Variants in CCT2 observed in about 807,000 individuals in gnomAD.
CCT2 encodes the protein T-complex protein 1 subunit beta.
CCT2 carries 18 observed loss-of-function variants against 61.8 expected under a neutral mutation model. The observed-to-expected ratio is 0.29, with a 90% CI of 0.20 to 0.43. The LOEUF is 0.43. CCT2 is among the 20% of genes least tolerant of loss of function. The probability of loss-of-function intolerance (pLI) is 1.00; values close to 1 mark genes in which losing one functional copy is unlikely to be tolerated. For missense variants in CCT2, 556 were observed against 656.9 expected, an observed-to-expected ratio of 0.85 and a Z score of 1.68; for synonymous variants, 248 against 215.9, an observed-to-expected ratio of 1.15 and a Z score of -1.30.
At chr12:69,585,888 C>T in intron 1 of CCT2, 2 of 1,275,772 alleles carry the variant, frequency 1.6e-6, no homozygotes, top group African/African-American at 1.5e-5. Flanking sequence ...GTGGAGGGGC[C>T]GCAGCCTTCC....
intron 3 of CCT2, 21 bp from the exon 4 acceptor site, chr12:69,587,484 A>C (rs1409147163): frequency 7.1e-7 from 1 of 1,410,404 alleles, no homozygotes; most frequent in Non-Finnish European, 1.0e-6. Flanking sequence ...TCTTAACTTG[A>C]ACCAATTATG....
At chr12:69,595,549 G>A (rs1412645807) in intron 10 of CCT2, among the ~76,000 whole-genome samples, 2 of 152,000 alleles carry the variant, frequency 1.3e-5, no homozygotes, top group African/African-American at 2.4e-5. Context: ...TTAGCCAGGC[G>A]TGGTGGTGGG....
chr12:69,595,641 T>C (rs1881964522), intron 10 of CCT2, among the ~76,000 whole-genome samples: 1 of 147,022 alleles, frequency 6.8e-6, no homozygotes, highest in Admixed American at 7.0e-5. Flanking sequence ...TGAGCTGAGA[T>C]TGGCGCCACT....
intron 1 of CCT2, chr12:69,585,886 G>A: frequency 7.8e-7 from 1 of 1,283,826 alleles, no homozygotes; most frequent in African/African-American, 1.5e-5. Flanking sequence ...GGGTGGAGGG[G>A]CCGCAGCCTT....
In CCT2 at chr12:69,585,459, A is replaced by G. The variant is rs1346714903; in HGVS notation, c.-63A>G. On this transcript the variant is annotated 5_prime_UTR_variant, in exon 1 of 16. Coordinates refer to ENST00000299300, the MANE Select transcript of CCT2 (RefSeq NM_006431.3). ...TGTGGCGTCACTTCCGGCTTCCTTCAGTCCGCTGGTCCCGAGCACGAGCTG... is the reference window on the plus strand; with the variant it reads ...TGTGGCGTCACTTCCGGCTTCCTTCGGTCCGCTGGTCCCGAGCACGAGCTG... 4 of 1,547,446 alleles carry G rather than the reference A, an allele frequency of 2.6e-6. No homozygotes were observed. Among genetic ancestry groups the G allele is most frequent in the Non-Finnish European group, 2.6e-6 (3 of 1,142,556 alleles).
At chr12:69,599,576 G>A (rs1182827185) in intron 14 of CCT2, 1 of 174,374 alleles carries the variant, frequency 5.7e-6, no homozygotes, top group African/African-American at 2.4e-5. Flanking sequence ...TTTAGTAGAC[G>A]GGGTTTCACC....
chr12:69,599,710 T>G (rs557754118), intron 14 of CCT2, 153 bp from the exon 15 acceptor site: 51 of 536,410 alleles, frequency 9.5e-5, no homozygotes, highest in East Asian at 3.9e-4. Context: ...TTAAAGGCTT[T>G]CTTTGAGCTC....
At chr12:69,588,697 A>G (rs891074656) in intron 6 of CCT2, among the ~76,000 whole-genome samples, 15 of 152,210 alleles carry the variant, frequency 9.9e-5, no homozygotes, top group African/African-American at 3.1e-4. Context: ...ACGTTGCGAC[A>G]TAGCCCAAAG....
intron 10 of CCT2, among the ~76,000 whole-genome samples, chr12:69,596,167 T>G (rs1002380025): frequency 1.3e-5 from 2 of 152,258 alleles, no homozygotes; most frequent in Non-Finnish European, 2.9e-5. Flanking sequence ...CCCAAATATC[T>G]GTTGTGTCTC....
chr12:69,598,344 A>G lies in CCT2; in HGVS notation c.1358A>G (p.Asn453Ser), dbSNP rs937030002. 36 of 1,593,618 alleles carry G rather than the reference A, an allele frequency of 2.3e-5. No individual in the cohort carries two copies. Among genetic ancestry groups the G allele is most frequent in the South Asian group, 1.1e-4 (10 of 87,014 alleles). Residue 453 changes from asparagine to serine, a missense_variant, in exon 14 of 16, where the codon AAT becomes AGT. Physicochemically the swap from Asn to Ser is conservative, Grantham distance 46. Transcript: ENST00000299300. ...LRMLPTIIAD[N>S]AGYDSADLVA... ...TAGTTGCCAACCATCATAGCTGACA[A>G]TGCAGGCTATGACAGTGCAGACCTG...
chr12:69,593,866 A>G (rs938207743), intron 10 of CCT2, among the ~76,000 whole-genome samples: 2 of 152,026 alleles, frequency 1.3e-5, no homozygotes, highest in East Asian at 1.9e-4. Flanking sequence ...GGCCAGGTGC[A>G]GTGGCTTGTG....
chr12:69,588,072 T>C, intron 5 of CCT2, 66 bp downstream of exon 5: 1 of 1,530,068 alleles, frequency 6.5e-7, no homozygotes, highest in East Asian at 2.3e-5. Flanking sequence ...ATCTAGTCCT[T>C]ACTTCCTCTG....
Position 69,593,674 on chromosome 12 carries a change from G to GT in CCT2, c.982+63dup. On this transcript the variant is annotated intron_variant, in intron 10 of 15. Coordinates refer to ENST00000299300, the MANE Select transcript of CCT2 (RefSeq NM_006431.3). The stretch of plus-strand genomic sequence containing the variant: ...ATAGTCACTCTTGAATTTGTTATTT[G>GT]TTACTATATGCAACTACCTTTAAGG... 3.0e-6 allele frequency: 3 copies of GT among 992,880 alleles called. No individual in the cohort carries two copies. The South Asian group carries it at 4.1e-5, about 13-fold the overall frequency. The allele number at this position is 992,880 out of a possible 1,614,324, so 61.5% of individuals were successfully genotyped here.
Position 69,589,486 on chromosome 12 carries a change from TC to T in CCT2, c.450del (p.Asp151MetfsTer9). On this transcript the variant is annotated frameshift_variant and splice_region_variant, in exon 7 of 16. Coordinates refer to ENST00000299300, the MANE Select transcript of CCT2 (RefSeq NM_006431.3). LOFTEE classifies it high-confidence loss of function. The part of the protein sequence containing the change: ...ALLSSAVDHG[S>X]DEVKFRQDLM... Reference sequence around the variant, plus strand: ...GTATATTTGGTTGGTTTTATTTAGTTCCGATGAAGTTAAATTCCGTCAAGAT... The same window carrying T: ...GTATATTTGGTTGGTTTTATTTAGTTCGATGAAGTTAAATTCCGTCAAGAT... 1 of 1,613,462 alleles carries T rather than the reference TC, an allele frequency of 6.2e-7. No homozygotes were observed. Among genetic ancestry groups the T allele is most frequent in the Non-Finnish European group, 8.5e-7 (1 of 1,179,464 alleles).
intron 2 of CCT2, 121 bp downstream of exon 2, chr12:69,586,465 C>G: frequency 4.1e-6 from 3 of 727,592 alleles, no homozygotes; most frequent in South Asian, 3.2e-5. Context: ...GTCAGGAGTT[C>G]GAGACCAGCC....
chr12:69,594,538 C>T (rs973449144), intron 10 of CCT2, among the ~76,000 whole-genome samples: 14 of 152,140 alleles, frequency 9.2e-5, no homozygotes, highest in African/African-American at 3.4e-4. Flanking sequence ...GTTTATAAAT[C>T]AGACATGTCT....
intron 3 of CCT2, 149 bp downstream of exon 3, chr12:69,586,967 C>T: frequency 3.8e-6 from 2 of 519,742 alleles, no homozygotes; most frequent in South Asian, 3.1e-5. Context: ...ATCAGAGTCC[C>T]CAGAATCACC....
chr12:69,586,093 A>G (rs777516188), intron 1 of CCT2, 177 bp from the exon 2 acceptor site: 21 of 1,225,740 alleles, frequency 1.7e-5, no homozygotes, highest in Admixed American at 5.7e-5. Context: ...CTCTCCTACA[A>G]GTCCCTCTCT....
chr12:69,585,821 G>A, intron 1 of CCT2: 1 of 1,341,110 alleles, frequency 7.5e-7, no homozygotes, highest in African/African-American at 1.5e-5. Context: ...TGTGGGACCC[G>A]CTCCGCCCTC....
Sources: gnomAD v4.1 joint callset for allele counts (sites outside exome capture counted in the v4.1 genomes callset) on GRCh38, gnomAD v4.1.1 for gene constraint, MANE v1.5 for transcripts, NCBI Gene and HGNC (gene_info 2026-07-23, HGNC 2026-07-21) for gene names.